Variants in GALNT15 observed in about 807,000 individuals in gnomAD.
GALNT15 encodes the protein UDP-GalNAc transferase T15.
GALNT15 carries 67 observed loss-of-function variants against 66.8 expected under a neutral mutation model. The ratio of observed to expected loss-of-function variants is 1.00; its 90% CI spans 0.82 to 1.23. GALNT15 has a LOEUF of 1.23. GALNT15 is among the 50% of genes most tolerant of loss of function. GALNT15 has a pLI of 0.00. For missense variants in GALNT15, 827 were observed against 804.3 expected (o/e 1.03, Z -0.34); for synonymous variants, 313 against 311.5 (o/e 1.00, Z -0.05).
At position 16,200,662 on chromosome 3, in the gene GALNT15, G is replaced by A. The variant is rs1414868326; in HGVS notation, c.750G>A (p.Glu250=). 2 of 1,600,306 alleles carry A rather than the reference G, an allele frequency of 1.2e-6. No homozygotes were observed. The highest frequency in any genetic ancestry group is 4.5e-5 in the East Asian group (2 of 44,126). ...TCAGCGAATATGTGGCCAGGCTGGA[G>A]GGGGTGAAGTTACTCAGGAGCAACA... The part of the protein sequence containing the change: ...SALSEYVARL[E]GVKLLRSNKR... The change falls in exon 3 of 10, where the codon GAG becomes GAA. Residue 250 remains glutamate (E), a synonymous_variant. Transcript: ENST00000339732. This position sits in a 1 kb window ranked among gnomAD's most constrained non-coding sequence, Gnocchi z 4.4.
At chr3:16,220,204 C>G (rs2063928322) in intron 8 of GALNT15, 190 bp downstream of exon 8, 2 of 586,748 alleles carry the variant, frequency 3.4e-6, no homozygotes, top group Non-Finnish European at 3.1e-6. Flanking sequence ...TCTGTAAGCA[C>G]AGACATGTGC....
chr3:16,234,220 C>T (rs2064112365), downstream of GALNT15, among the ~76,000 whole-genome samples: 1 of 152,226 alleles, frequency 6.6e-6, no homozygotes, highest in African/African-American at 2.4e-5. Context: ...AGTAGTGACA[C>T]TGAGTGTTCT....
chr3:16,191,202 A>T lies in GALNT15; in HGVS notation c.540-4558A>T, dbSNP rs892542673. ...TCCTGGAGCAAGGGGAGTCTATGAA[A>T]TTCTCTTTGAAATGCTTGCTGTCCT... On this transcript the variant is annotated intron_variant, in intron 1 of 9. Transcript: ENST00000339732. The surrounding 1 kb of genome is among the most constrained non-coding windows in gnomAD (Gnocchi z 5.2). 6.6e-6 allele frequency among the ~76,000 whole-genome samples: 1 copy of T among 152,154 alleles called. No homozygotes were observed. The highest frequency in any genetic ancestry group is 2.4e-5 in the African/African-American group (1 of 41,430).
At chr3:16,223,163 A>G (rs75630308) in intron 9 of GALNT15, among the ~76,000 whole-genome samples, 2 of 152,312 alleles carry the variant, frequency 1.3e-5, no homozygotes, top group East Asian at 3.9e-4. Context: ...ACAGATGTAG[A>G]TGTAAATATA....
chr3:16,231,863 A>C, downstream of GALNT15: 1 of 1,536,438 alleles, frequency 6.5e-7, no homozygotes, highest in South Asian at 1.2e-5. This position sits in a 1 kb window ranked among gnomAD's most constrained non-coding sequence, Gnocchi z 4.1. Context: ...CAGATTGTGA[A>C]CAATGGGTAG....
rs1480317826 is a variant in GALNT15 at position 16,188,841 on chromosome 3, C to T, written c.540-6919C>T. 6.6e-6 allele frequency among the ~76,000 whole-genome samples: 1 copy of T among 152,032 alleles called. No individual in the cohort carries two copies. The highest frequency in any genetic ancestry group is 1.5e-5 in the Non-Finnish European group (1 of 68,004). Reference sequence around the variant, plus strand: ...CAAAGCAGATGACAGGTCCTTAGCACCATTTCCCTCTCTGTCCTCACTTCC... The same window carrying T: ...CAAAGCAGATGACAGGTCCTTAGCATCATTTCCCTCTCTGTCCTCACTTCC... On this transcript the variant is annotated intron_variant, in intron 1 of 9. Coordinates refer to ENST00000339732, the MANE Select transcript of GALNT15 (RefSeq NM_054110.5). This position sits in a 1 kb window ranked among gnomAD's most constrained non-coding sequence, Gnocchi z 4.6.
the GALNT15 span, among the ~76,000 whole-genome samples, chr3:16,237,155 T>G: frequency 1.3e-5 from 2 of 152,228 alleles, no homozygotes; most frequent in Non-Finnish European, 1.5e-5. The surrounding 1 kb of genome is among the most constrained non-coding windows in gnomAD (Gnocchi z 4.2). Flanking sequence ...CTCTGATCTC[T>G]GGCGTTCAAT....
the GALNT15 span, among the ~76,000 whole-genome samples, chr3:16,242,680 G>A: frequency 2.0e-5 from 3 of 152,140 alleles, no homozygotes; most frequent in Admixed American, 6.6e-5. The surrounding 1 kb of genome is among the most constrained non-coding windows in gnomAD (Gnocchi z 5.6). Context: ...TCAGGAGGCC[G>A]AGGCAAGAAG....
chr3:16,216,927 C>T (rs575257558), intron 6 of GALNT15, among the ~76,000 whole-genome samples: 50 of 151,718 alleles, frequency 3.3e-4, no homozygotes, highest in African/African-American at 1.2e-3. Flanking sequence ...GGGAGACTGC[C>T]GTTCCCTGGT....
chr3:16,182,034 C>A lies in GALNT15; in HGVS notation c.539+6344C>A, dbSNP rs1244367059. On this transcript the variant is annotated intron_variant, in intron 1 of 9. Coordinates refer to ENST00000339732, the MANE Select transcript of GALNT15 (RefSeq NM_054110.5). This position sits in a 1 kb window ranked among gnomAD's most constrained non-coding sequence, Gnocchi z 6.1. Reference sequence around the variant, plus strand: ...TGGTAACAAGTGTGGTAGGGTCTTACCCTGCACTTCAGGACAAACCCAGCT... The same window carrying A: ...TGGTAACAAGTGTGGTAGGGTCTTAACCTGCACTTCAGGACAAACCCAGCT... Among the ~76,000 whole-genome samples, 1 of 152,142 alleles carries A rather than the reference C, an allele frequency of 6.6e-6. No individual in the cohort carries two copies. Among genetic ancestry groups the A allele is most frequent in the African/African-American group, 2.4e-5 (1 of 41,426 alleles).
intron 3 of GALNT15, among the ~76,000 whole-genome samples, chr3:16,201,068 T>C (rs2124870359): frequency 6.6e-6 from 1 of 152,348 alleles, no homozygotes; most frequent in Non-Finnish European, 1.5e-5. Context: ...GAACAGCTTC[T>C]ATGAGGTTGC....
rs1299051031 is a variant in GALNT15, at chr3:16,180,104, G to A, written c.539+4414G>A. ...TGAGCGTGCATCCGAACAACTAGAT[G>A]GCTTGTTAAAAATACAGATTCCTGG... On this transcript the variant is annotated intron_variant, in intron 1 of 9. Transcript: ENST00000339732. This position sits in a 1 kb window ranked among gnomAD's most constrained non-coding sequence, Gnocchi z 5.0. 1.3e-5 allele frequency among the ~76,000 whole-genome samples: 2 copies of A among 152,176 alleles called. No individual in the cohort carries two copies. The highest frequency in any genetic ancestry group is 4.8e-5 in the African/African-American group (2 of 41,434).
chr3:16,231,740 A>G, downstream of GALNT15: 1 of 1,383,716 alleles, frequency 7.2e-7, no homozygotes, highest in East Asian at 2.5e-5. The surrounding 1 kb of genome is among the most constrained non-coding windows in gnomAD (Gnocchi z 4.1). Context: ...GACAAATGCT[A>G]AAATGATACA....
At chr3:16,232,740 G>C (rs1338016256), downstream of GALNT15, among the ~76,000 whole-genome samples, 1 of 151,342 alleles carries the variant, frequency 6.6e-6, no homozygotes, top group Non-Finnish European at 1.5e-5. Flanking sequence ...CCTGTCCCTG[G>C]AGTGTGTGAG....
At chr3:16,179,393 A>C (rs1316525026) in intron 1 of GALNT15, among the ~76,000 whole-genome samples, 1 of 152,220 alleles carries the variant, frequency 6.6e-6, no homozygotes, top group African/African-American at 2.4e-5. Context: ...AGATTGGGCA[A>C]GTCACATGGG....
At chr3:16,226,100 C>G (rs2064012284) in intron 9 of GALNT15, among the ~76,000 whole-genome samples, 1 of 151,304 alleles carries the variant, frequency 6.6e-6, no homozygotes, top group East Asian at 1.9e-4. Flanking sequence ...TTCAAAAGGC[C>G]ACATTTATAT....
intron 6 of GALNT15, among the ~76,000 whole-genome samples, chr3:16,214,980 C>T (rs890723465): frequency 2.0e-5 from 3 of 152,180 alleles, no homozygotes; most frequent in African/African-American, 7.2e-5. Flanking sequence ...TTAGTATTAG[C>T]TCTTTGCTTT....
At chr3:16,198,923 G>T (rs1361681586) in intron 2 of GALNT15, among the ~76,000 whole-genome samples, 1 of 142,330 alleles carries the variant, frequency 7.0e-6, no homozygotes, top group Non-Finnish European at 1.6e-5. Context: ...CACAGTTAAG[G>T]CCACCTCTGG....
At chr3:16,178,536 C>A (rs1413671374) in intron 1 of GALNT15, among the ~76,000 whole-genome samples, 3 of 152,174 alleles carry the variant, frequency 2.0e-5, no homozygotes, top group Non-Finnish European at 4.4e-5. Context: ...CCGGCTGGTG[C>A]GTGCGGCCTG....
Sources: gnomAD v4.1 joint callset for allele counts (sites outside exome capture counted in the v4.1 genomes callset) on GRCh38, gnomAD v4.1.1 for gene constraint, Gnocchi (gnomAD v3.1) non-coding constraint, MANE v1.5 for transcripts, NCBI Gene and HGNC (gene_info 2026-07-23, HGNC 2026-07-21) for gene names.